Variants in STOML1 observed in about 807,000 individuals in gnomAD.
The protein encoded by STOML1 is stomatin like 1.
A neutral mutation model predicts 35.7 loss-of-function variants in STOML1; 27 were observed. The ratio of observed to expected loss-of-function variants is 0.76; its 90% CI spans 0.56 to 1.04. The LOEUF is 1.04. STOML1 is among the 50% of genes least tolerant of loss of function. The pLI is 0.00. For missense variants in STOML1, 451 were observed against 527.1 expected (o/e 0.86, Z 1.41); for synonymous variants, 219 against 227.9 (o/e 0.96, Z 0.35).
chr15:73,990,148 C>G (rs1412776805), intron 2 of STOML1: 3 of 556,164 alleles, frequency 5.4e-6, no homozygotes, highest in Non-Finnish European at 9.7e-6. Flanking sequence ...CTACCCCCTA[C>G]TGGCTCCCAG....
intron 1 of STOML1, 70 bp downstream of exon 1, chr15:73,992,021 A>G: frequency 6.8e-7 from 1 of 1,480,190 alleles, no homozygotes; most frequent in Non-Finnish European, 9.0e-7. Flanking sequence ...GACTCCTCGG[A>G]GGCAGAGATT....
rs891850871 is a variant in STOML1, at chr15:73,981,813, C to G, written c.*2124G>C. Reference sequence around the variant, plus strand: ...CTTGTCCTTCCTCCCCTGTGGACTGCAGGGTCTGCTCAGTCCTCTGTAGTC... The same window carrying G: ...CTTGTCCTTCCTCCCCTGTGGACTGGAGGGTCTGCTCAGTCCTCTGTAGTC... On this transcript the variant is annotated 3_prime_UTR_variant, in exon 7 of 7. Coordinates refer to ENST00000541638, the MANE Select transcript of STOML1 (RefSeq NM_004809.5). 1.3e-5 allele frequency: 2 copies of G among 152,414 alleles called. No homozygotes were observed. The highest frequency in any genetic ancestry group is 2.9e-5 in the Non-Finnish European group (2 of 68,194). 9.4% of individuals were successfully genotyped at this position (152,414 alleles called of 1,614,324 possible).
At chr15:73,990,742 G>A (rs1178993863) in intron 1 of STOML1, 12 of 1,420,330 alleles carry the variant, frequency 8.4e-6, no homozygotes, top group Admixed American at 4.0e-5. Context: ...AATCCAGTCC[G>A]CGTGATGATG....
Position 73,988,542 on chromosome 15 carries a change from C to T in STOML1, c.594+57G>A. The T allele has an allele frequency of 1.9e-6, 3 of 1,598,174 alleles. No individual in the cohort carries two copies. The highest frequency in any genetic ancestry group is 2.6e-6 in the Non-Finnish European group (3 of 1,170,362). On this transcript the variant is annotated intron_variant, in intron 4 of 6. Transcript: ENST00000541638. This position sits in a 1 kb window ranked among gnomAD's most constrained non-coding sequence, Gnocchi z 4.8. Reference sequence around the variant, plus strand: ...TGACTCTTTTCTCAAAGTGACCTGGCAGGTGGAGCCAGGCCGGTGCCACCC... The same window carrying T: ...TGACTCTTTTCTCAAAGTGACCTGGTAGGTGGAGCCAGGCCGGTGCCACCC...
At chr15:73,990,542 A>C in intron 1 of STOML1, 85 bp from the exon 2 acceptor site, 1 of 1,241,660 alleles carries the variant, frequency 8.1e-7, no homozygotes, top group Non-Finnish European at 1.1e-6. Flanking sequence ...CCTTACGCCC[A>C]CCTTCCCCTC....
Position 73,988,616 on chromosome 15 carries a change from T to C in STOML1, c.577A>G (p.Ile193Val). The C allele has an allele frequency of 6.2e-7, 1 of 1,614,218 alleles. No homozygotes were observed. Among genetic ancestry groups the C allele is most frequent in the East Asian group, 2.2e-5 (1 of 44,888 alleles). ...CTGCCTACCAGAAGCTGGTCGCTGA[T>C]CTTGAGCTTCTCCATCTGGATCTCC... Reference protein sequence around the residue: ...LREIQMEKLKISDQLLLEIND... With the variant: ...LREIQMEKLKVSDQLLLEIND... The change falls in exon 4 of 7, where the codon ATC becomes GTC. Residue 193 changes from isoleucine to valine, a missense_variant. Physicochemically the swap from Ile to Val is conservative, Grantham distance 29 (BLOSUM62 3). Transcript: ENST00000541638. The surrounding 1 kb of genome is among the most constrained non-coding windows in gnomAD (Gnocchi z 4.8).
Position 73,984,783 on chromosome 15 carries a change from C to T in STOML1, c.879G>A (p.Gly293=), listed in dbSNP as rs1301945654. 2 of 1,614,116 alleles carry T rather than the reference C, an allele frequency of 1.2e-6. No homozygotes were observed. Among genetic ancestry groups the T allele is most frequent in the Non-Finnish European group, 1.7e-6 (2 of 1,180,026 alleles). Residue 293 remains glycine (G), a synonymous_variant, in exon 6 of 7, where the codon GGG becomes GGA. Coordinates refer to ENST00000541638, the MANE Select transcript of STOML1 (RefSeq NM_004809.5). ...RSSPKQPLAE[G]LLTALQPFLS... Reference sequence around the variant, plus strand: ...GGAAGGGCTGTAGAGCAGTCAGTAGCCCCTCCGCCAGAGGCTGCTTCGGAC... The same window carrying T: ...GGAAGGGCTGTAGAGCAGTCAGTAGTCCCTCCGCCAGAGGCTGCTTCGGAC...
Position 73,980,186 on chromosome 15 carries a change from T to A in STOML1, c.*3751A>T, listed in dbSNP as rs1035181950. ...CATGACTATGAGAAAAAAACACCAC[T>A]GACAATGGGAGTGTAAATTGGTATA... is the stretch of plus-strand genomic sequence containing the variant. On this transcript the variant is annotated 3_prime_UTR_variant, in exon 7 of 7. Coordinates refer to ENST00000541638, the MANE Select transcript of STOML1 (RefSeq NM_004809.5). The A allele has an allele frequency of 6.6e-6, 1 of 152,152 alleles. No individual in the cohort carries two copies. Among genetic ancestry groups the A allele is most frequent in the African/African-American group, 2.4e-5 (1 of 41,442 alleles). The allele number at this position is 152,152 out of a possible 1,614,324, so 9.4% of individuals were successfully genotyped here. A position where few individuals can be genotyped will look rare whatever the true frequency, so the allele number is the denominator to read the frequency against.
chr15:73,980,680 G>A lies in STOML1; in HGVS notation c.*3257C>T, dbSNP rs1001899227. On this transcript the variant is annotated 3_prime_UTR_variant, in exon 7 of 7. Transcript: ENST00000541638. The stretch of plus-strand genomic sequence containing the variant: ...ATCGCAGGGGATGGGGGAAGGCATG[G>A]GAAATATGTGTGGAGGGAGAATTTT... 6.6e-6 allele frequency: 1 copy of A among 152,146 alleles called. No homozygotes were observed. Among genetic ancestry groups the A allele is most frequent in the African/African-American group, 2.4e-5 (1 of 41,440 alleles). The allele number at this position is 152,146 out of a possible 1,614,324, so 9.4% of individuals were successfully genotyped here. A position where few individuals can be genotyped will look rare whatever the true frequency, so the allele number is the denominator to read the frequency against.
At chr15:73,985,585 G>A in intron 4 of STOML1, 72 bp from the exon 5 acceptor site, 1 of 1,498,814 alleles carries the variant, frequency 6.7e-7, no homozygotes. Flanking sequence ...TGGGCAGACT[G>A]TGTGGCCGTG....
At position 73,989,201 on chromosome 15, in the gene STOML1, G is replaced by A. The variant is rs760492581; in HGVS notation, c.297C>T (p.Pro99=). 1 of 1,612,482 alleles carries A rather than the reference G, an allele frequency of 6.2e-7. No individual in the cohort carries two copies. Among genetic ancestry groups the A allele is most frequent in the Non-Finnish European group, 8.5e-7 (1 of 1,179,036 alleles). ...AGAGCAGAACCATGCCAGGTCCCTG[G>A]GGGGTGCGGATCCGGCCCAGGCGGA... ...IVFRLGRIRT[P]QGPGMVLLLP... The change falls in exon 3 of 7, where the codon CCC becomes CCT. Residue 99 remains proline, a synonymous_variant. Coordinates refer to ENST00000541638, the MANE Select transcript of STOML1 (RefSeq NM_004809.5).
At chr15:73,989,351 A>C in intron 2 of STOML1, 94 bp from the exon 3 acceptor site, 2 of 1,356,204 alleles carry the variant, frequency 1.5e-6, no homozygotes, top group Non-Finnish European at 1.9e-6. Flanking sequence ...TCTCCTCCTC[A>C]CCTGGGTCAC....
chr15:73,990,415 A>T lies in STOML1; in HGVS notation c.176T>A (p.Ile59Asn). The change falls in exon 2 of 7, where the codon ATC becomes AAC. Residue 59 changes from isoleucine (I) to asparagine (N), a missense_variant. Physicochemically the swap from Ile to Asn is moderately radical, Grantham distance 149 (BLOSUM62 -3). Transcript: ENST00000541638. ...SWPSCLCHGLISFLGFLLLLV... is the reference protein window; with the variant it reads ...SWPSCLCHGLNSFLGFLLLLV... ...CAGCAGCAAGAACCCCAGGAAACTG[A>T]TGAGGCCATGACAGAGGCAGGAGGG... 1 of 1,614,148 alleles carries T rather than the reference A, an allele frequency of 6.2e-7. No individual in the cohort carries two copies. Among genetic ancestry groups the T allele is most frequent in the Non-Finnish European group, 8.5e-7 (1 of 1,179,998 alleles).
Position 73,981,430 on chromosome 15 carries a change from T to C in STOML1, c.*2507A>G, listed in dbSNP as rs2068959370. The C allele has an allele frequency of 6.6e-6, 1 of 152,216 alleles. No homozygotes were observed. The allele number at this position is 152,216 out of a possible 1,614,324, so 9.4% of individuals were successfully genotyped here. ...AATATATTAACTAGGATACTTAAAC[T>C]ATTATCATTATTCACCAGGTTATCT... On this transcript the variant is annotated 3_prime_UTR_variant, in exon 7 of 7. Transcript: ENST00000541638.
At position 73,983,936 on chromosome 15, in the gene STOML1, G is replaced by A; in HGVS notation, c.*1C>T. 2 of 1,608,748 alleles carry A rather than the reference G, an allele frequency of 1.2e-6. No individual in the cohort carries two copies. The highest frequency in any genetic ancestry group is 1.7e-6 in the Non-Finnish European group (2 of 1,176,230). ...GGGCTCTGGAAAGTCAGCCAAGGCTGCTACTTCAAGGCCCTGAGGACAGCC... is the reference window on the plus strand; with the variant it reads ...GGGCTCTGGAAAGTCAGCCAAGGCTACTACTTCAAGGCCCTGAGGACAGCC... On this transcript the variant is annotated 3_prime_UTR_variant, in exon 7 of 7. Transcript: ENST00000541638.
chr15:73,985,338 C>T lies in STOML1; in HGVS notation c.770G>A (p.Gly257Asp), dbSNP rs1444125015. 6 of 1,545,102 alleles carry T rather than the reference C, an allele frequency of 3.9e-6. No homozygotes were observed. The highest frequency in any genetic ancestry group is 1.8e-4 in the Middle Eastern group (1 of 5,466). ...LGGSMNSMAGGAPSPGPADTV... is the reference protein window; with the variant it reads ...LGGSMNSMAGDAPSPGPADTV... The stretch of plus-strand genomic sequence containing the variant: ...CTCACCTGGCCCCGGGGACGGGGCA[C>T]CTCCTGCCATTGAGTTCATGCTTCC... The change falls in exon 5 of 7, where the codon GGT becomes GAT. Residue 257 changes from glycine to aspartate, a missense_variant. Transcript: ENST00000541638.
chr15:73,985,332 G>C lies in STOML1; in HGVS notation c.776C>G (p.Pro259Arg). The C allele has an allele frequency of 6.5e-7, 1 of 1,534,794 alleles. No homozygotes were observed. Among genetic ancestry groups the C allele is most frequent in the Non-Finnish European group, 8.7e-7 (1 of 1,146,900 alleles). The part of the protein sequence containing the change: ...GSMNSMAGGA[P>R]SPGPADTVEM... The stretch of plus-strand genomic sequence containing the variant: ...GGGCTCCTCACCTGGCCCCGGGGAC[G>C]GGGCACCTCCTGCCATTGAGTTCAT... Residue 259 changes from proline to arginine, a missense_variant, in exon 5 of 7, where the codon CCG (proline) becomes CGG (arginine). Pro to Arg is a moderately radical substitution (Grantham distance 103). Transcript: ENST00000541638.
At position 73,980,081 on chromosome 15, in the gene STOML1, CAAAA is replaced by C. The variant is rs1050650673; in HGVS notation, c.*3852_*3855del. Reference sequence around the variant, plus strand: ...ACAAAAAAATAACTTGAACAATAAACAAAAAAATTACACTGAGATACAAATTTTC... The same window carrying C: ...ACAAAAAAATAACTTGAACAATAAACAAATTACACTGAGATACAAATTTTC... On this transcript the variant is annotated 3_prime_UTR_variant, in exon 7 of 7. Coordinates refer to ENST00000541638, the MANE Select transcript of STOML1 (RefSeq NM_004809.5). The C allele has an allele frequency of 1.3e-5, 2 of 151,778 alleles. No individual in the cohort carries two copies. The highest frequency in any genetic ancestry group is 4.8e-5 in the African/African-American group (2 of 41,306). The allele number at this position is 151,778 out of a possible 1,614,324, so 9.4% of individuals were successfully genotyped here.
In STOML1 at chr15:73,988,191, C is replaced by A; in HGVS notation, c.594+408G>T. On this transcript the variant is annotated intron_variant, in intron 4 of 6. Transcript: ENST00000541638. This position sits in a 1 kb window ranked among gnomAD's most constrained non-coding sequence, Gnocchi z 4.8. The stretch of plus-strand genomic sequence containing the variant: ...AAAAATCACAAGCATGCACACGCTG[C>A]ATGGTGAGCCTGGAATTCCCCAGCA... 1 of 193,420 alleles carries A rather than the reference C, an allele frequency of 5.2e-6. No homozygotes were observed. The highest frequency in any genetic ancestry group is 1.1e-5 in the Non-Finnish European group (1 of 92,612). The allele number at this position is 193,420 out of a possible 1,614,324, so 12.0% of individuals were successfully genotyped here. A position where few individuals can be genotyped will look rare whatever the true frequency, so the allele number is the denominator to read the frequency against.
Sources: gnomAD v4.1 joint callset for allele counts on GRCh38, gnomAD v4.1.1 for gene constraint, Gnocchi (gnomAD v3.1) non-coding constraint, MANE v1.5 for transcripts, NCBI Gene and HGNC (gene_info 2026-07-23, HGNC 2026-07-21) for gene names.